Variants in VWDE observed in about 807,000 individuals in gnomAD.
The protein encoded by VWDE is von Willebrand factor D and EGF domain-containing protein.
VWDE carries 207 observed loss-of-function variants against 178.4 expected under a neutral mutation model. The observed-to-expected ratio is 1.16, with a 90% CI of 1.04 to 1.30. VWDE has a LOEUF of 1.30. VWDE is among the 50% of genes most tolerant of loss of function. The pLI is 0.00. For synonymous variants in VWDE, 738 were observed against 651.4 expected (o/e 1.13, Z -2.02); for missense variants, 2,287 against 1,901.3 (o/e 1.20, Z -3.77).
At chr7:12,395,632 CTTA>C (rs1201726955) in intron 1 of VWDE, among the ~76,000 whole-genome samples, 1 of 151,798 alleles carries the variant, frequency 6.6e-6, no homozygotes, top group African/African-American at 2.4e-5. Flanking sequence ...CAATATTTAT[CTTA>C]TAAGATAATT....
At position 12,375,098 on chromosome 7, in the gene VWDE, C is replaced by T. The variant is rs111435565; in HGVS notation, c.1154G>A (p.Arg385Gln). The change falls in exon 8 of 29, where the codon CGA becomes CAA. Residue 385 changes from arginine (R) to glutamine (Q), a missense_variant. Physicochemically the swap from Arg to Gln is conservative, Grantham distance 43 (BLOSUM62 1). Coordinates refer to ENST00000275358, the MANE Select transcript of VWDE (RefSeq NM_001135924.3). ...AATGTTTGAGACTCTATCTCCATCT[C>T]GAGAAAAATCTGTGACAGCAGTGTA... ...VYYTAVTDFS[R>Q]DGDRVSNIVV... The T allele has an allele frequency of 5.7e-5, 88 of 1,551,256 alleles. 1 individual carries two copies. Among genetic ancestry groups the T allele is most frequent in the African/African-American group, 1.9e-4 (14 of 73,116 alleles).
At position 12,373,177 on chromosome 7, in the gene VWDE, C is replaced by T; in HGVS notation, c.1387G>A (p.Val463Ile). The T allele has an allele frequency of 1.9e-6, 3 of 1,551,358 alleles. No individual in the cohort carries two copies. Among genetic ancestry groups the T allele is most frequent in the East Asian group, 2.4e-5 (1 of 40,908 alleles). The change falls in exon 10 of 29, where the codon GTA becomes ATA. Residue 463 changes from valine to isoleucine, a missense_variant. Coordinates refer to ENST00000275358, the MANE Select transcript of VWDE (RefSeq NM_001135924.3). ...AGGCTTCTGCAGTCCCACTGACGTA[C>T]ATGGACTTCAAAATCACGTGACATA... The part of the protein sequence containing the change: ...KSMSRDFEVH[V>I]RQWDCRSLHY...
intron 13 of VWDE, among the ~76,000 whole-genome samples, chr7:12,366,726 A>G (rs183116217): frequency 1.4e-4 from 22 of 152,210 alleles, no homozygotes; most frequent in African/African-American, 5.1e-4. Flanking sequence ...TGCTGTCTTA[A>G]GTTTTCAGCT....
intron 27 of VWDE, among the ~76,000 whole-genome samples, chr7:12,335,698 G>A (rs906937409): frequency 6.6e-6 from 1 of 152,224 alleles, no homozygotes; most frequent in Non-Finnish European, 1.5e-5. Context: ...CTGGTGATCC[G>A]CTGGCCTTGG....
chr7:12,352,030 G>A (rs1478930010), intron 18 of VWDE, among the ~76,000 whole-genome samples: 1 of 152,110 alleles, frequency 6.6e-6, no homozygotes, highest in Non-Finnish European at 1.5e-5. Context: ...ACGAAAACAG[G>A]AAGAGATACC....
chr7:12,371,538 T>G (rs908516005), intron 10 of VWDE, among the ~76,000 whole-genome samples: 12 of 152,194 alleles, frequency 7.9e-5, no homozygotes, highest in Non-Finnish European at 1.3e-4. Context: ...CACAACTGTG[T>G]TTGCTCTTCT....
intron 13 of VWDE, among the ~76,000 whole-genome samples, chr7:12,366,856 C>T (rs868817473): frequency 2.0e-5 from 3 of 151,982 alleles, no homozygotes; most frequent in African/African-American, 4.8e-5. Context: ...GATATACTAA[C>T]GTTCAAACTG....
intron 7 of VWDE, among the ~76,000 whole-genome samples, chr7:12,377,188 T>G (rs1783576326): frequency 6.6e-6 from 1 of 152,174 alleles, no homozygotes; most frequent in African/African-American, 2.4e-5. Context: ...TATCTTGTTA[T>G]GTGGGAGGAT....
intron 3 of VWDE, among the ~76,000 whole-genome samples, chr7:12,386,428 T>C (rs1445696968): frequency 6.6e-6 from 1 of 152,144 alleles, no homozygotes; most frequent in Non-Finnish European, 1.5e-5. Context: ...CTCAGGATAA[T>C]TCTCCATAGA....
Position 12,369,814 on chromosome 7 carries a change from A to C in VWDE, c.2492T>G (p.Leu831Ter). The C allele has an allele frequency of 6.4e-7, 1 of 1,551,520 alleles. No individual in the cohort carries two copies. Among genetic ancestry groups the C allele is most frequent in the Non-Finnish European group, 8.7e-7 (1 of 1,146,880 alleles). ...RLCLAFLGKR[L>*]DSVIEMCVKD... ...CACACACATCTCTATAACACTGTCTAATCTCTTGCCAAGAAAAGCAAGACA... is the reference window on the plus strand; with the variant it reads ...CACACACATCTCTATAACACTGTCTCATCTCTTGCCAAGAAAAGCAAGACA... Residue 831 changes from leucine (L) to a stop codon, truncating the protein, a stop_gained, in exon 12 of 29, where the codon TTA becomes TGA. Coordinates refer to ENST00000275358, the MANE Select transcript of VWDE (RefSeq NM_001135924.3). LOFTEE classifies it high-confidence loss of function.
rs541458738 is a variant in VWDE, at chr7:12,403,666, C to G, written c.51G>C (p.Trp17Cys). Reference protein sequence around the residue: ...VLVIALMFLAWGEAQECSPGG... With the variant: ...VLVIALMFLACGEAQECSPGG... ...GCGCCCTACCTCGCTTACCTTCCCC[C>G]CAGGCCAGGAACATCAGCGCGATCA... Residue 17 changes from tryptophan to cysteine, a missense_variant, in exon 1 of 29, where the codon TGG (tryptophan) becomes TGC (cysteine). Transcript: ENST00000275358. 5.8e-6 allele frequency: 9 copies of G among 1,545,692 alleles called. No homozygotes were observed. The highest frequency in any genetic ancestry group is 4.8e-5 in the South Asian group (4 of 84,008).
At chr7:12,336,443 C>T (rs567057009) in intron 26 of VWDE, among the ~76,000 whole-genome samples, 3 of 152,274 alleles carry the variant, frequency 2.0e-5, no homozygotes, top group African/African-American at 7.2e-5. Context: ...CAAAATGTTC[C>T]ATTGTTTGAA....
intron 3 of VWDE, among the ~76,000 whole-genome samples, chr7:12,388,107 CTG>C (rs1784195953): frequency 6.6e-6 from 1 of 152,084 alleles, no homozygotes; most frequent in South Asian, 2.1e-4. Flanking sequence ...TAATCTGTGA[CTG>C]TTTTTTATTC....
At chr7:12,374,608 T>C in intron 9 of VWDE, 81 bp downstream of exon 9, 2 of 1,027,948 alleles carry the variant, frequency 1.9e-6, no homozygotes, top group Non-Finnish European at 2.8e-6. Context: ...TAAAAAATTA[T>C]AAAACAATAC....
At chr7:12,398,590 C>A (rs1784733769) in intron 1 of VWDE, among the ~76,000 whole-genome samples, 1 of 152,126 alleles carries the variant, frequency 6.6e-6, no homozygotes, top group Non-Finnish European at 1.5e-5. Flanking sequence ...TCAGCTGGAG[C>A]ACCCTATAAA....
chr7:12,351,510 T>G (rs560556577), intron 19 of VWDE, 63 bp downstream of exon 19: 1 of 1,457,094 alleles, frequency 6.9e-7, no homozygotes, highest in South Asian at 1.4e-5. Flanking sequence ...AATATGTTGG[T>G]CTTCTAGAAA....
intron 13 of VWDE, among the ~76,000 whole-genome samples, chr7:12,362,425 C>A (rs1330147662): frequency 6.6e-6 from 1 of 152,048 alleles, no homozygotes. Context: ...ACTTAGTTCA[C>A]TCTACTTAAT....
At chr7:12,347,050 T>G (rs1376948021) in intron 19 of VWDE, among the ~76,000 whole-genome samples, 1 of 152,082 alleles carries the variant, frequency 6.6e-6, no homozygotes, top group Non-Finnish European at 1.5e-5. Context: ...GTGCACCAAA[T>G]ATAGCCCCAA....
chr7:12,342,112 G>GT lies in VWDE; in HGVS notation c.4216dup (p.Thr1406AsnfsTer17). On this transcript the variant is annotated frameshift_variant, in exon 23 of 29. Coordinates refer to ENST00000275358, the MANE Select transcript of VWDE (RefSeq NM_001135924.3). LOFTEE classifies it high-confidence loss of function. The stretch of plus-strand genomic sequence containing the variant: ...AGGTTTGCACTGGCAAATATCTGGT[G>GT]TAAGACACTGGCCTCCATTTTCACA... 6.4e-7 allele frequency: 1 copy of GT among 1,551,526 alleles called. No homozygotes were observed. The highest frequency in any genetic ancestry group is 1.2e-5 in the South Asian group (1 of 84,046).
Sources: allele counts gnomAD v4.1 joint callset (sites outside exome capture counted in the v4.1 genomes callset), GRCh38; gene constraint gnomAD v4.1.1; transcripts MANE v1.5; gene names NCBI Gene and HGNC (gene_info 2026-07-23, HGNC 2026-07-21).